PPP6R2: variants seen among roughly 807,000 people sequenced by gnomAD.
PPP6R2 encodes protein phosphatase 6 regulatory subunit 2, also known as serine/threonine-protein phosphatase 6 regulatory subunit 2.
A neutral mutation model predicts 100.2 loss-of-function variants in PPP6R2; 62 were observed. The observed-to-expected ratio is 0.62, with a 90% CI of 0.50 to 0.76. PPP6R2 has a LOEUF of 0.76. Ranked by LOEUF, PPP6R2 falls within the 30% of genes least tolerant of loss-of-function variation. The probability of loss-of-function intolerance (pLI) is 0.00; values close to 1 mark genes in which losing one functional copy is unlikely to be tolerated. For missense variants in PPP6R2, 1,142 were observed against 1,276.3 expected, an observed-to-expected ratio of 0.89 and a Z score of 1.60; for synonymous variants, 525 against 514.7, an observed-to-expected ratio of 1.02 and a Z score of -0.27.
intron 3 of PPP6R2, among the ~76,000 whole-genome samples, chr22:50,401,098 A>G (rs1603230055): frequency 6.6e-6 from 1 of 152,084 alleles, no homozygotes; most frequent in Non-Finnish European, 1.5e-5. Context: ...AGGTCTTGCT[A>G]TGTTGCCCAG....
intron 2 of PPP6R2, among the ~76,000 whole-genome samples, chr22:50,393,037 A>G (rs1345223484): frequency 6.6e-6 from 1 of 152,218 alleles, no homozygotes; most frequent in African/African-American, 2.4e-5. Context: ...TTATGTTTTC[A>G]CTTTCTATCA....
chr22:50,423,577 A>T lies in PPP6R2; in HGVS notation c.1088A>T (p.Gln363Leu). 6.2e-7 allele frequency: 1 copy of T among 1,614,198 alleles called. No individual in the cohort carries two copies. Among genetic ancestry groups the T allele is most frequent in the Non-Finnish European group, 8.5e-7 (1 of 1,180,036 alleles). Residue 363 changes from glutamine (Q) to leucine (L), a missense_variant, in exon 10 of 24, where the codon CAG becomes CTG. Transcript: ENST00000612753. The surrounding 1 kb of genome is among the most constrained non-coding windows in gnomAD (Gnocchi z 4.8). ...CACACAAACACACCCAGCATCAACCAGGAGCTCTGCCGGCTCAACACGATG... is the reference window on the plus strand; with the variant it reads ...CACACAAACACACCCAGCATCAACCTGGAGCTCTGCCGGCTCAACACGATG... ...LLHTNTPSIN[Q>L]ELCRLNTMDL...
At position 50,435,080 on chromosome 22, in the gene PPP6R2, A is replaced by G; in HGVS notation, c.1515A>G (p.Arg505=). 6.5e-7 allele frequency: 1 copy of G among 1,539,114 alleles called. No individual in the cohort carries two copies. ...AGACGCACATCAGCGAGGTCATCCGAGGTGAGCCCCCAACCCGGTCATCCT... is the reference window on the plus strand; with the variant it reads ...AGACGCACATCAGCGAGGTCATCCGGGGTGAGCCCCCAACCCGGTCATCCT... ...PVQTHISEVI[R]GLPADCRGRW... Residue 505 remains arginine, a splice_region_variant and synonymous_variant, in exon 13 of 24, where the codon CGA becomes CGG. Transcript: ENST00000612753.
In PPP6R2 at chr22:50,444,050, G is replaced by GGGC; in HGVS notation, c.2765_2767dup (p.Gly922_Pro923insArg). On this transcript the variant is annotated inframe_insertion, in exon 23 of 24. Transcript: ENST00000612753. ...TGCACTGGCCGTGGCGGTCCCCCTA[G>GGGC]GGCCCATCATGGCAGTCACAGCAGC... 1 of 1,613,108 alleles carries GGGC rather than the reference G, an allele frequency of 6.2e-7. No homozygotes were observed. The highest frequency in any genetic ancestry group is 8.5e-7 in the Non-Finnish European group (1 of 1,179,740).
At position 50,414,687 on chromosome 22, in the gene PPP6R2, C is replaced by A. The variant is rs1053668533; in HGVS notation, c.550C>A (p.His184Asn). The change falls in exon 5 of 24, where the codon CAC becomes AAC. Residue 184 changes from histidine (H) to asparagine (N), a missense_variant and splice_region_variant. By Grantham distance (68) the His-to-Asn change is moderately conservative (BLOSUM62 1). Transcript: ENST00000612753. Reference sequence around the variant, plus strand: ...AGCCGGGCTCCGGCAGGACGTCCTGCACGTGAGTGCGGGAGTCCCCCCCCG... The same window carrying A: ...AGCCGGGCTCCGGCAGGACGTCCTGAACGTGAGTGCGGGAGTCCCCCCCCG... ...EPAGLRQDVL[H>N]WLNEEKVIQR... 2 of 1,605,430 alleles carry A rather than the reference C, an allele frequency of 1.2e-6. No individual in the cohort carries two copies. The highest frequency in any genetic ancestry group is 2.2e-5 in the South Asian group (2 of 90,664).
chr22:50,369,504 T>C (rs938332881), intron 1 of PPP6R2, among the ~76,000 whole-genome samples: 1 of 152,104 alleles, frequency 6.6e-6, no homozygotes, highest in African/African-American at 2.4e-5. Flanking sequence ...AGTACAGTAG[T>C]GTGATTGTGG....
chr22:50,393,433 A>G (rs994576956), intron 2 of PPP6R2: 1 of 985,110 alleles, frequency 1.0e-6, no homozygotes, highest in Non-Finnish European at 1.2e-6. Context: ...AGGACAGAAG[A>G]CATCCCTGAC....
intron 2 of PPP6R2, among the ~76,000 whole-genome samples, chr22:50,379,868 G>A (rs2052488480): frequency 6.6e-6 from 1 of 152,100 alleles, no homozygotes; most frequent in Admixed American, 6.6e-5. Context: ...CCGAAACCCT[G>A]TCCCCTCCAA....
chr22:50,350,036 T>C (rs1253446198), intron 1 of PPP6R2, among the ~76,000 whole-genome samples: 1 of 151,992 alleles, frequency 6.6e-6, no homozygotes, highest in Non-Finnish European at 1.5e-5. Flanking sequence ...GAGAATGCCT[T>C]GAACCCAGGT....
intron 2 of PPP6R2, among the ~76,000 whole-genome samples, chr22:50,388,579 A>G (rs539817275): frequency 6.6e-6 from 1 of 151,942 alleles, no homozygotes; most frequent in Non-Finnish European, 1.5e-5. Flanking sequence ...ATACACATAA[A>G]TTTTTTAAAA....
chr22:50,437,887 C>G lies in PPP6R2; in HGVS notation c.1826C>G (p.Ala609Gly), dbSNP rs1347951809. 8 of 1,555,606 alleles carry G rather than the reference C, an allele frequency of 5.1e-6. No homozygotes were observed. Among genetic ancestry groups the G allele is most frequent in the African/African-American group, 1.4e-5 (1 of 73,216 alleles). Reference sequence around the variant, plus strand: ...GCAGAGATCAACTTCAACATCGACGCTGACGAGGACAGTGTGAGCAAGCCG... The same window carrying G: ...GCAGAGATCAACTTCAACATCGACGGTGACGAGGACAGTGTGAGCAAGCCG... ...RIAEINFNID[A>G]DEDSPSAALF... The change falls in exon 17 of 24, where the codon GCT becomes GGT. Residue 609 changes from alanine to glycine, a missense_variant. Ala to Gly is a moderately conservative substitution (Grantham distance 60). Coordinates refer to ENST00000612753, the MANE Select transcript of PPP6R2 (RefSeq NM_001242898.2).
At chr22:50,369,068 GTC>G (rs1380034264) in intron 1 of PPP6R2, among the ~76,000 whole-genome samples, 1 of 152,028 alleles carries the variant, frequency 6.6e-6, no homozygotes, top group East Asian at 1.9e-4. Flanking sequence ...GAGAAACCCT[GTC>G]TCTACTAAAA....
intron 1 of PPP6R2, among the ~76,000 whole-genome samples, chr22:50,366,895 C>T (rs542328581): frequency 7.5e-6 from 1 of 132,950 alleles, no homozygotes; most frequent in Non-Finnish European, 1.6e-5. Flanking sequence ...ACAGGGCTCC[C>T]TCCTGTCTTT....
At chr22:50,424,112 G>C (rs1354583021) in intron 10 of PPP6R2, among the ~76,000 whole-genome samples, 1 of 152,234 alleles carries the variant, frequency 6.6e-6, no homozygotes, top group African/African-American at 2.4e-5. Flanking sequence ...GGCGGTGCTG[G>C]CAAGTAGTGC....
intron 6 of PPP6R2, among the ~76,000 whole-genome samples, chr22:50,417,718 T>C (rs1017052211): frequency 1.3e-5 from 2 of 151,972 alleles, no homozygotes; most frequent in Non-Finnish European, 2.9e-5. Flanking sequence ...TTGGCGTCTG[T>C]AGGAAGCAAG....
intron 1 of PPP6R2, among the ~76,000 whole-genome samples, chr22:50,368,081 A>G (rs951851939): frequency 3.9e-5 from 6 of 152,244 alleles, no homozygotes; most frequent in African/African-American, 1.4e-4. Flanking sequence ...TGCATTTCAA[A>G]GACGTTAGTA....
chr22:50,412,963 T>C (rs899710099), intron 4 of PPP6R2, among the ~76,000 whole-genome samples: 1 of 144,344 alleles, frequency 6.9e-6, no homozygotes, highest in African/African-American at 2.6e-5. Flanking sequence ...TCCTTTTTTT[T>C]TTGTTTTTTT....
intron 3 of PPP6R2, among the ~76,000 whole-genome samples, chr22:50,400,818 T>C (rs2149034816): frequency 6.6e-6 from 1 of 152,316 alleles, no homozygotes; most frequent in Non-Finnish European, 1.5e-5. Flanking sequence ...TGTTCTGGGC[T>C]CCCTGAACCC....
intron 1 of PPP6R2, among the ~76,000 whole-genome samples, chr22:50,347,312 T>G (rs1037011828): frequency 6.6e-6 from 1 of 152,128 alleles, no homozygotes; most frequent in Non-Finnish European, 1.5e-5. Context: ...GGGAGAACTT[T>G]CAGTGCCCGC....
Sources: allele counts gnomAD v4.1 joint callset (sites outside exome capture counted in the v4.1 genomes callset), GRCh38; gene constraint gnomAD v4.1.1; non-coding constraint Gnocchi (gnomAD v3.1); transcripts MANE v1.5; gene names NCBI Gene and HGNC (gene_info 2026-07-23, HGNC 2026-07-21).